Variants in ODAD2 observed in about 807,000 individuals in gnomAD.
ODAD2 encodes outer dynein arm docking complex subunit 2.
A neutral mutation model predicts 106.8 loss-of-function variants in ODAD2; 89 were observed. That is an observed-to-expected ratio of 0.83 (90% CI 0.70 to 0.99). The LOEUF (loss-of-function observed/expected upper bound fraction) is 0.99. ODAD2 is among the 50% of genes least tolerant of loss of function. The pLI is 0.00. For synonymous variants in ODAD2, 404 were observed against 436.2 expected, an observed-to-expected ratio of 0.93 and a Z score of 0.92; for missense variants, 1,168 against 1,238.5, an observed-to-expected ratio of 0.94 and a Z score of 0.85.
chr10:27,970,212 G>T (rs910459108), intron 8 of ODAD2, among the ~76,000 whole-genome samples: 2 of 151,908 alleles, frequency 1.3e-5, no homozygotes, highest in African/African-American at 2.4e-5. Flanking sequence ...TTGCTTTGAC[G>T]CCTGTTTATA....
At chr10:27,980,128 G>A (rs1383859863) in intron 7 of ODAD2, among the ~76,000 whole-genome samples, 1 of 152,026 alleles carries the variant, frequency 6.6e-6, no homozygotes, top group Non-Finnish European at 1.5e-5. Context: ...ATATCCACAT[G>A]CAAAAGAATG....
intron 10 of ODAD2, among the ~76,000 whole-genome samples, chr10:27,955,596 A>C (rs996288335): frequency 6.6e-6 from 1 of 152,142 alleles, no homozygotes; most frequent in Non-Finnish European, 1.5e-5. Context: ...TGGGAAAGGA[A>C]TTTAATTAAC....
intron 17 of ODAD2, among the ~76,000 whole-genome samples, chr10:27,890,846 T>C (rs959695261): frequency 6.6e-6 from 1 of 151,906 alleles, no homozygotes; most frequent in Non-Finnish European, 1.5e-5. Flanking sequence ...GCCAGATGGG[T>C]GCATACTTAG....
chr10:27,899,714 G>A (rs2152016), intron 17 of ODAD2, among the ~76,000 whole-genome samples: 23,670 of 152,160 alleles, frequency 0.16, 1,952 homozygotes, highest in Non-Finnish European at 0.17. Context: ...CGAACTGGGC[G>A]GAGCCCACCA....
intron 10 of ODAD2, 38 bp from the exon 11 acceptor site, chr10:27,945,000 CCG>C (rs1564534049): frequency 3.7e-6 from 6 of 1,609,150 alleles, no homozygotes; most frequent in East Asian, 4.5e-5. Flanking sequence ...TTAAGGAACA[CCG>C]CATTCCCATA....
chr10:27,948,389 T>G (rs957033697), intron 10 of ODAD2, among the ~76,000 whole-genome samples: 7 of 152,200 alleles, frequency 4.6e-5, no homozygotes, highest in Admixed American at 1.3e-4. Flanking sequence ...GCCAAAATAT[T>G]CAACATACAG....
chr10:27,875,378 C>T (rs1841253827), intron 17 of ODAD2, among the ~76,000 whole-genome samples: 1 of 152,210 alleles, frequency 6.6e-6, no homozygotes, highest in Admixed American at 6.5e-5. Context: ...CTCTGTCCAG[C>T]TTTGTTCCGT....
chr10:27,882,233 G>GAAAGAAAGAAATAAAT (rs1451039386), intron 17 of ODAD2, among the ~76,000 whole-genome samples: 7 of 145,250 alleles, frequency 4.8e-5, no homozygotes, highest in South Asian at 2.2e-4. Flanking sequence ...AAGAAAGAAA[G>GAAAGAAAGAAATAAAT]AAATATGAAC....
intron 17 of ODAD2, among the ~76,000 whole-genome samples, chr10:27,879,628 G>A (rs937739711): frequency 2.0e-5 from 3 of 151,986 alleles, no homozygotes; most frequent in African/African-American, 7.2e-5. Context: ...CTAACTATAT[G>A]ATGTATTATA....
At chr10:27,864,287 T>C (rs1473458152) in intron 17 of ODAD2, among the ~76,000 whole-genome samples, 2 of 150,292 alleles carry the variant, frequency 1.3e-5, no homozygotes, top group Admixed American at 1.3e-4. Context: ...GGGTTTGGTT[T>C]GACTTGGTTT....
At position 27,967,173 on chromosome 10, in the gene ODAD2, C is replaced by T. The variant is rs186325655; in HGVS notation, c.1238+1750G>A. On this transcript the variant is annotated intron_variant, in intron 9 of 19. Transcript: ENST00000305242. ...TCTCAATCAAGACCACACATAACAG[C>T]GTGGCCCAAGTCTACCTCTTATAGC... Among the ~76,000 whole-genome samples the T allele has an allele frequency of 5.9e-5, 9 of 152,002 alleles. No homozygotes were observed. The East Asian group carries it at 1.6e-3, about 26-fold the overall frequency.
chr10:27,935,010 A>G lies in ODAD2; in HGVS notation c.2495T>C (p.Met832Thr), dbSNP rs1363602173. ...TCTTTCCATCTCCAGGGCCACTTACATCATACTTTCAGGTTCTACTGCACA... is the reference window on the plus strand; with the variant it reads ...TCTTTCCATCTCCAGGGCCACTTACGTCATACTTTCAGGTTCTACTGCACA... ...GACAVEPESMMIIDRLDGVRL... is the reference protein window; with the variant it reads ...GACAVEPESMTIIDRLDGVRL... The change falls in exon 16 of 20, where the codon ATG (methionine) becomes ACG (threonine). Residue 832 changes from methionine to threonine, a missense_variant and splice_region_variant. Coordinates refer to ENST00000305242, the MANE Select transcript of ODAD2 (RefSeq NM_018076.5). The G allele has an allele frequency of 6.2e-7, 1 of 1,613,884 alleles. No homozygotes were observed. Among genetic ancestry groups the G allele is most frequent in the South Asian group, 1.1e-5 (1 of 91,074 alleles).
intron 16 of ODAD2, among the ~76,000 whole-genome samples, chr10:27,927,420 A>C (rs2134019682): frequency 6.6e-6 from 1 of 152,316 alleles, no homozygotes; most frequent in South Asian, 2.1e-4. Flanking sequence ...TTACCATGTA[A>C]GACTTAAAGC....
At chr10:27,948,696 T>G (rs1359311072) in intron 10 of ODAD2, among the ~76,000 whole-genome samples, 1 of 152,040 alleles carries the variant, frequency 6.6e-6, no homozygotes, top group Non-Finnish European at 1.5e-5. Flanking sequence ...GTGTTTCCAC[T>G]TCTAAAATTA....
At chr10:27,926,969 G>T (rs561040807) in intron 16 of ODAD2, among the ~76,000 whole-genome samples, 26 of 152,158 alleles carry the variant, frequency 1.7e-4, no homozygotes, top group Non-Finnish European at 3.2e-4. Flanking sequence ...TAAATCTACT[G>T]TTTCATAAAC....
At chr10:27,851,862 T>C (rs751989972) in intron 19 of ODAD2, among the ~76,000 whole-genome samples, 91 of 151,974 alleles carry the variant, frequency 6.0e-4, no homozygotes, top group Non-Finnish European at 9.4e-4. Flanking sequence ...TGAAGGAAAC[T>C]ACACAAGGCC....
chr10:27,820,581 T>A (rs1361537479), intron 19 of ODAD2, among the ~76,000 whole-genome samples: 1 of 152,032 alleles, frequency 6.6e-6, no homozygotes, highest in African/African-American at 2.4e-5. Flanking sequence ...GGTACCCTTT[T>A]TATGACTCTA....
intron 4 of ODAD2, 145 bp downstream of exon 4, chr10:27,984,874 T>A (rs1186881725): frequency 2.6e-6 from 1 of 383,162 alleles, no homozygotes; most frequent in Non-Finnish European, 4.3e-6. Flanking sequence ...AGGTTCCTTT[T>A]TAATTTTTTA....
At chr10:27,945,828 C>A (rs1376085157) in intron 10 of ODAD2, among the ~76,000 whole-genome samples, 1 of 151,252 alleles carries the variant, frequency 6.6e-6, no homozygotes, top group Admixed American at 6.6e-5. Context: ...AGAGTTCTGG[C>A]ATCAGCACTA....
Sources: gnomAD v4.1 joint callset for allele counts (sites outside exome capture counted in the v4.1 genomes callset) on GRCh38, gnomAD v4.1.1 for gene constraint, MANE v1.5 for transcripts, NCBI Gene and HGNC (gene_info 2026-07-23, HGNC 2026-07-21) for gene names.